Variants in RTF2 observed in about 807,000 individuals in gnomAD.
The protein encoded by RTF2 is replication termination factor 2.
In RTF2, 18 loss-of-function variants were observed where a neutral mutation model predicts 38.0. The ratio of observed to expected loss-of-function variants is 0.47; its 90% CI spans 0.33 to 0.70. The LOEUF is 0.70. Among genes scored for constraint, RTF2 ranks in the 30% least tolerant of loss-of-function variants. The pLI is 0.02. For synonymous variants in RTF2, 126 were observed against 137.1 expected (o/e 0.92, Z 0.57); for missense variants, 311 against 379.6 (o/e 0.82, Z 1.50).
chr20:56,499,618 T>A lies in RTF2; in HGVS notation c.478-13697T>A, dbSNP rs573705640. ...AATGAAAGTAAAGCTTTTTACTACT[T>A]CTCCTATAAGAATTTTGATTAAAGA... On this transcript the variant is annotated intron_variant, in intron 5 of 8. Transcript: ENST00000357348. Among the ~76,000 whole-genome samples the A allele has an allele frequency of 6.6e-5, 10 of 152,306 alleles. No individual in the cohort carries two copies. The South Asian group carries it at 2.1e-3, about 32-fold the overall frequency.
intron 5 of RTF2, among the ~76,000 whole-genome samples, chr20:56,509,694 A>G (rs1215632926): frequency 2.0e-5 from 3 of 152,126 alleles, no homozygotes; most frequent in African/African-American, 4.8e-5. Context: ...GCTGGTGGCA[A>G]TGTAAAATGG....
In RTF2 at chr20:56,496,542, C is replaced by G. The variant is rs144627539; in HGVS notation, c.477+12353C>G. 14 of 1,290,516 alleles carry G rather than the reference C, an allele frequency of 1.1e-5. No homozygotes were observed. In the African/African-American group the frequency reaches 2.1e-4, roughly 19 times the overall value. The allele number at this position is 1,290,516 out of a possible 1,614,324, so 79.9% of individuals were successfully genotyped here. On this transcript the variant is annotated intron_variant, in intron 5 of 8. Transcript: ENST00000357348. ...CAGCCTCGGTGACCGTGTGAGACTC[C>G]GTCTCAAAATCAGTCAGTCAATCAA...
chr20:56,501,483 A>G (rs1983924825), intron 5 of RTF2, among the ~76,000 whole-genome samples: 1 of 152,200 alleles, frequency 6.6e-6, no homozygotes. Flanking sequence ...CCATAGAAAG[A>G]TGTTTAAGAT....
At chr20:56,476,071 A>G (rs1982225254) in intron 3 of RTF2, among the ~76,000 whole-genome samples, 2 of 152,344 alleles carry the variant, frequency 1.3e-5, no homozygotes, top group African/African-American at 2.4e-5. Context: ...ATTAAATATG[A>G]AGAAATGCCT....
In RTF2 at chr20:56,514,731, T is replaced by C. The variant is rs1255228022; in HGVS notation, c.591+1303T>C. 2.0e-5 allele frequency among the ~76,000 whole-genome samples: 3 copies of C among 152,182 alleles called. No homozygotes were observed. The East Asian group carries it at 5.8e-4, about 29-fold the overall frequency. On this transcript the variant is annotated intron_variant, in intron 6 of 8. Coordinates refer to ENST00000357348, the MANE Select transcript of RTF2 (RefSeq NM_016407.5). ...GAAAGAGCCAAAGGCATTTGTATTT[T>C]CTCCCTTCATCGTTTTACTTAGGTA...
intron 8 of RTF2, 143 bp downstream of exon 8, chr20:56,517,344 T>G: frequency 3.0e-6 from 2 of 663,760 alleles, no homozygotes; most frequent in Non-Finnish European, 5.3e-6. Context: ...GAACTCTCTT[T>G]AGGGGGGTAA....
In RTF2 at chr20:56,519,336, C is replaced by T. The variant is rs1212018200; in HGVS notation, c.*1071C>T. The T allele has an allele frequency of 6.6e-6, 1 of 152,206 alleles. No homozygotes were observed. The highest frequency in any genetic ancestry group is 1.5e-5 in the Non-Finnish European group (1 of 68,062). The allele number at this position is 152,206 out of a possible 1,614,324, so 9.4% of individuals were successfully genotyped here. On this transcript the variant is annotated 3_prime_UTR_variant, in exon 9 of 9. Transcript: ENST00000357348. ...CAGCAAGGGAGAACCATGTGTGGCC[C>T]TGCTTTTTCTCAAACCCTGTGTGGT...
intron 6 of RTF2, 144 bp from the exon 7 acceptor site, chr20:56,516,791 A>C (rs1985066192): frequency 1.4e-6 from 1 of 739,132 alleles, no homozygotes; most frequent in Non-Finnish European, 2.4e-6. Flanking sequence ...ACGGAACATC[A>C]AAAGCCTTCT....
chr20:56,497,274 G>A (rs1199201516), intron 5 of RTF2: 2 of 1,551,392 alleles, frequency 1.3e-6, no homozygotes, highest in African/African-American at 2.7e-5. Context: ...TATAATATAT[G>A]CCAAAGAGAA....
intron 5 of RTF2, among the ~76,000 whole-genome samples, chr20:56,487,097 A>C (rs989272040): frequency 6.6e-6 from 1 of 152,150 alleles, no homozygotes; most frequent in Non-Finnish European, 1.5e-5. Flanking sequence ...GTTTTTTCTT[A>C]CGCCCATAAT....
At chr20:56,476,680 G>A (rs1187399219) in intron 3 of RTF2, among the ~76,000 whole-genome samples, 2 of 151,912 alleles carry the variant, frequency 1.3e-5, no homozygotes, top group Non-Finnish European at 2.9e-5. Flanking sequence ...TGTATTTTTA[G>A]TAGAGACGGG....
At position 56,477,221 on chromosome 20, in the gene RTF2, C is replaced by T. The variant is rs181893968; in HGVS notation, c.398+97C>T. The T allele has an allele frequency of 8.0e-5, 114 of 1,423,252 alleles. 1 individual carries two copies. In the East Asian group the frequency reaches 2.6e-3, roughly 32 times the overall value. 88.2% of individuals were successfully genotyped at this position (1,423,252 alleles called of 1,614,324 possible). ...CGGAGCTTAGCAGTCATGTGGCTTG[C>T]TTTCTGGTGTCCTTGGGTTTGGTGG... On this transcript the variant is annotated intron_variant, in intron 4 of 8. Coordinates refer to ENST00000357348, the MANE Select transcript of RTF2 (RefSeq NM_016407.5).
chr20:56,490,121 T>A lies in RTF2; in HGVS notation c.477+5932T>A, dbSNP rs537680563. ...TGTGGGATCTGTCTTCCAAATCCCT[T>A]TTCCTTCTGTCTAGCAATGATGTTT... On this transcript the variant is annotated intron_variant, in intron 5 of 8. Coordinates refer to ENST00000357348, the MANE Select transcript of RTF2 (RefSeq NM_016407.5). Among the ~76,000 whole-genome samples, 9 of 152,380 alleles carry A rather than the reference T, an allele frequency of 5.9e-5. No individual in the cohort carries two copies. In the East Asian group the frequency reaches 1.7e-3, roughly 29 times the overall value.
chr20:56,512,635 G>A (rs1984749773), intron 5 of RTF2, among the ~76,000 whole-genome samples: 1 of 152,164 alleles, frequency 6.6e-6, no homozygotes, highest in Admixed American at 6.5e-5. Context: ...CCCCAAGGCT[G>A]CCGTCATGCT....
intron 3 of RTF2, among the ~76,000 whole-genome samples, chr20:56,476,615 T>G (rs1023490128): frequency 6.6e-6 from 1 of 151,762 alleles, no homozygotes; most frequent in Non-Finnish European, 1.5e-5. Flanking sequence ...TTCTCCTGCC[T>G]CAGCCTCCCG....
At chr20:56,487,253 T>C (rs1600804927) in intron 5 of RTF2, among the ~76,000 whole-genome samples, 4 of 152,302 alleles carry the variant, frequency 2.6e-5, no homozygotes. Context: ...TGCATGGAAA[T>C]ACAGCGTTAC....
chr20:56,499,259 C>T (rs1357957892), intron 5 of RTF2, among the ~76,000 whole-genome samples: 2 of 142,706 alleles, frequency 1.4e-5, no homozygotes, highest in Non-Finnish European at 3.0e-5. Flanking sequence ...TGCAATGGTG[C>T]GATCTCGGCT....
chr20:56,472,434 C>T (rs150269265), intron 1 of RTF2: 9 of 1,435,924 alleles, frequency 6.3e-6, no homozygotes, highest in Admixed American at 5.9e-5. Context: ...AAATGTCATT[C>T]GAGGGCCAGG....
At chr20:56,482,543 G>C (rs748769709) in intron 4 of RTF2, among the ~76,000 whole-genome samples, 3 of 152,176 alleles carry the variant, frequency 2.0e-5, no homozygotes, top group Admixed American at 1.3e-4. Context: ...GTATAATAAA[G>C]ATTTAAATAT....
Sources: gnomAD v4.1 joint callset for allele counts (sites outside exome capture counted in the v4.1 genomes callset) on GRCh38, gnomAD v4.1.1 for gene constraint, MANE v1.5 for transcripts, NCBI Gene and HGNC (gene_info 2026-07-23, HGNC 2026-07-21) for gene names.